STPG2: variants seen among roughly 807,000 people sequenced by gnomAD.
STPG2 encodes sperm tail PG-rich repeat containing 2, also known as sperm-tail PG-rich repeat-containing protein 2.
In STPG2, 56 loss-of-function variants were observed where a neutral mutation model predicts 54.2. The observed-to-expected ratio is 1.03, with a 90% CI of 0.83 to 1.29. The LOEUF is 1.29. Ranked by LOEUF, STPG2 falls within the 50% of genes most tolerant of loss-of-function variation. The probability of loss-of-function intolerance (pLI) is 0.00; values close to 1 mark genes in which losing one functional copy is unlikely to be tolerated. For missense variants in STPG2, 596 were observed against 544.9 expected (o/e 1.09, Z -0.93); for synonymous variants, 200 against 181.8 (o/e 1.10, Z -0.81).
At chr4:97,708,363 A>T (rs1724015276) in intron 10 of STPG2, among the ~76,000 whole-genome samples, 1 of 152,092 alleles carries the variant, frequency 6.6e-6, no homozygotes, top group Non-Finnish European at 1.5e-5. Context: ...TTCTAAAAAA[A>T]TTACAGATAT....
At chr4:97,937,465 C>G (rs1732790111) in intron 8 of STPG2, among the ~76,000 whole-genome samples, 1 of 152,090 alleles carries the variant, frequency 6.6e-6, no homozygotes, top group Admixed American at 6.5e-5. Context: ...AGCACTCTGT[C>G]CTTTTGAATT....
At chr4:98,108,921 C>T (rs1354415750) in intron 4 of STPG2, among the ~76,000 whole-genome samples, 1 of 151,938 alleles carries the variant, frequency 6.6e-6, no homozygotes, top group East Asian at 1.9e-4. Flanking sequence ...AGGAGAAATA[C>T]CTAATATAGA....
At chr4:98,019,332 C>T (rs190647025) in intron 5 of STPG2, among the ~76,000 whole-genome samples, 92 of 151,862 alleles carry the variant, frequency 6.1e-4, no homozygotes, top group African/African-American at 1.1e-3. Flanking sequence ...GTTGTAGATA[C>T]GCAGCATTAT....
At chr4:97,839,156 T>C (rs1420392346) in intron 9 of STPG2, among the ~76,000 whole-genome samples, 2 of 151,628 alleles carry the variant, frequency 1.3e-5, no homozygotes, top group Non-Finnish European at 3.0e-5. Context: ...TGTTTCATAT[T>C]ATGATAAGAT....
At chr4:97,456,840 A>G (rs1729534952) in intron 4 of STPG2, among the ~76,000 whole-genome samples, 2 of 145,522 alleles carry the variant, frequency 1.4e-5, no homozygotes, top group Admixed American at 6.9e-5. Flanking sequence ...AGCTAGAGTG[A>G]GCTGAGATCG....
At chr4:97,815,075 G>A (rs1446630720) in intron 9 of STPG2, among the ~76,000 whole-genome samples, 3 of 152,236 alleles carry the variant, frequency 2.0e-5, no homozygotes, top group South Asian at 2.1e-4. Context: ...TTTCAGAAAC[G>A]AAGGTATGGG....
At chr4:97,695,030 A>C (rs1227732225) in intron 10 of STPG2, among the ~76,000 whole-genome samples, 1 of 151,466 alleles carries the variant, frequency 6.6e-6, no homozygotes, top group African/African-American at 2.4e-5. Flanking sequence ...GAAAGGACAT[A>C]ACAAAAAGAG....
chr4:97,743,858 A>G (rs1452101817), intron 9 of STPG2, among the ~76,000 whole-genome samples: 1 of 151,592 alleles, frequency 6.6e-6, no homozygotes, highest in Non-Finnish European at 1.5e-5. Flanking sequence ...TAGAAAAGCT[A>G]GTAGGATTTT....
chr4:97,473,105 G>T (rs142390139), intron 4 of STPG2, among the ~76,000 whole-genome samples: 3,441 of 151,862 alleles, frequency 0.023, 112 homozygotes, highest in African/African-American at 0.078. Context: ...GTCACCTCAG[G>T]ACCCTGTGAT....
chr4:97,905,147 A>G (rs1448633373), intron 8 of STPG2, among the ~76,000 whole-genome samples: 1 of 151,268 alleles, frequency 6.6e-6, no homozygotes, highest in East Asian at 1.9e-4. Context: ...TCCAAGACAC[A>G]TGATTGTCAG....
At chr4:98,088,397 T>C (rs1049180666) in intron 5 of STPG2, among the ~76,000 whole-genome samples, 1 of 152,132 alleles carries the variant, frequency 6.6e-6, no homozygotes, top group African/African-American at 2.4e-5. Context: ...TTTCTAATTG[T>C]TTCCTGTATG....
intron 9 of STPG2, among the ~76,000 whole-genome samples, chr4:97,838,175 G>T (rs1333389496): frequency 1.3e-5 from 2 of 151,376 alleles, no homozygotes; most frequent in Non-Finnish European, 3.0e-5. Context: ...ACCAAAAAAG[G>T]TCTTTCCATT....
intron 8 of STPG2, among the ~76,000 whole-genome samples, chr4:97,941,366 G>A (rs567649245): frequency 1.3e-5 from 2 of 152,056 alleles, no homozygotes; most frequent in Non-Finnish European, 2.9e-5. Context: ...TTTTTATTCA[G>A]CTTGAAACAA....
intron 10 of STPG2, among the ~76,000 whole-genome samples, chr4:97,626,632 AGATATT>A (rs1278359924): frequency 1.3e-5 from 2 of 152,112 alleles, no homozygotes; most frequent in Non-Finnish European, 2.9e-5. Flanking sequence ...AAATATATGT[AGATATT>A]TTAACCAAAT....
chr4:97,465,748 A>G (rs1391105169), intron 4 of STPG2, among the ~76,000 whole-genome samples: 31 of 152,046 alleles, frequency 2.0e-4, no homozygotes, highest in Admixed American at 2.0e-3. Context: ...TGTTATATAA[A>G]TAGTCATTAT....
At chr4:97,548,246 A>C (rs1306368903) in intron 4 of STPG2, among the ~76,000 whole-genome samples, 2 of 152,184 alleles carry the variant, frequency 1.3e-5, no homozygotes, top group Admixed American at 6.5e-5. Context: ...GCTCTCTGGG[A>C]GATATCAACT....
chr4:97,551,636 G>A (rs1731968162), intron 4 of STPG2, among the ~76,000 whole-genome samples: 1 of 152,170 alleles, frequency 6.6e-6, no homozygotes, highest in African/African-American at 2.4e-5. Context: ...TGAATATCAA[G>A]GGAAACCTAA....
At chr4:97,864,644 A>G (rs1203290243) in intron 8 of STPG2, among the ~76,000 whole-genome samples, 2 of 152,180 alleles carry the variant, frequency 1.3e-5, no homozygotes, top group Admixed American at 6.5e-5. Flanking sequence ...GTCAATCCTA[A>G]GCCAAAAGAA....
At position 97,622,850 on chromosome 4, in the gene STPG2, A is replaced by G. The variant is rs538518458; in HGVS notation, c.1321-63733T>C. ...AAAAGAATAAACCTGGTGGCATCAC[A>G]TTACCTGACTTCAAACTACAATACA... On this transcript the variant is annotated intron_variant, in intron 10 of 10. Transcript: ENST00000295268. Among the ~76,000 whole-genome samples the G allele has an allele frequency of 2.0e-5, 3 of 152,262 alleles. No individual in the cohort carries two copies. The South Asian group carries it at 6.2e-4, about 32-fold the overall frequency.
Sources: allele counts gnomAD v4.1 joint callset (sites outside exome capture counted in the v4.1 genomes callset), GRCh38; gene constraint gnomAD v4.1.1; transcripts MANE v1.5; gene names NCBI Gene and HGNC (gene_info 2026-07-23, HGNC 2026-07-21).